Variants in HYCC1 observed in about 807,000 individuals in gnomAD.
The protein encoded by HYCC1 is hyccin.
chr7:22,964,951 T>C, the HYCC1 span, among the ~76,000 whole-genome samples: 1 of 152,010 alleles, frequency 6.6e-6, no homozygotes, highest in Non-Finnish European at 1.5e-5. Flanking sequence ...CTGGTCAATA[T>C]GGTAAAACCC....
the HYCC1 span, among the ~76,000 whole-genome samples, chr7:22,929,908 C>T: frequency 6.6e-6 from 1 of 152,072 alleles, no homozygotes; most frequent in African/African-American, 2.4e-5. Flanking sequence ...TTTATAGCGG[C>T]ACTATTCACA....
chr7:22,945,862 G>A, the HYCC1 span: 6 of 1,613,800 alleles, frequency 3.7e-6, no homozygotes, highest in East Asian at 2.2e-5. Context: ...GTAGGGATTG[G>A]CTGGTTGTTA....
chr7:22,971,430 T>A, the HYCC1 span, among the ~76,000 whole-genome samples: 2 of 151,082 alleles, frequency 1.3e-5, no homozygotes, highest in Non-Finnish European at 1.5e-5. Flanking sequence ...CTGTAAACAC[T>A]TTGGGAGGCT....
chr7:22,978,540 A>C, the HYCC1 span: 2 of 1,061,972 alleles, frequency 1.9e-6, no homozygotes, highest in South Asian at 2.8e-5. Flanking sequence ...AGATTGGTAA[A>C]AATCATATCT....
chr7:23,002,401 T>G, the HYCC1 span, among the ~76,000 whole-genome samples: 1 of 152,010 alleles, frequency 6.6e-6, no homozygotes, highest in East Asian at 1.9e-4. Context: ...AGTATTTTAT[T>G]TAGTCTTCCC....
At chr7:22,993,942 G>A in the HYCC1 span, among the ~76,000 whole-genome samples, 4 of 152,120 alleles carry the variant, frequency 2.6e-5, no homozygotes, top group Non-Finnish European at 5.9e-5. Context: ...TTCTCTGAAA[G>A]CTATGTTCAG....
At chr7:22,932,147 T>C in the HYCC1 span, among the ~76,000 whole-genome samples, 8 of 152,284 alleles carry the variant, frequency 5.3e-5, no homozygotes, top group Admixed American at 2.6e-4. Context: ...CAAATAGAGA[T>C]GGAGTTATCT....
the HYCC1 span, chr7:22,960,505 GCTTATACAAAGAGGCT>G: frequency 9.5e-7 from 1 of 1,057,692 alleles, no homozygotes; most frequent in Admixed American, 1.8e-5. Context: ...TGCTAAACAG[GCTTATACAAAGAGGCT>G]CTTCCCAAGC....
chr7:23,000,423 G>T, the HYCC1 span, among the ~76,000 whole-genome samples: 1 of 151,616 alleles, frequency 6.6e-6, no homozygotes, highest in African/African-American at 2.4e-5. Context: ...AAATATATCT[G>T]CTCTATCAAA....
chr7:22,899,069 T>C, the HYCC1 span, among the ~76,000 whole-genome samples: 4 of 152,202 alleles, frequency 2.6e-5, no homozygotes, highest in South Asian at 8.3e-4. Context: ...AGAGGCAGCG[T>C]GGTAGCAAGT....
At chr7:22,926,997 T>G in the HYCC1 span, among the ~76,000 whole-genome samples, 2 of 152,164 alleles carry the variant, frequency 1.3e-5, no homozygotes, top group African/African-American at 4.8e-5. Flanking sequence ...CAGACCACAG[T>G]GCAATGAACT....
At chr7:22,949,425 T>C in the HYCC1 span, among the ~76,000 whole-genome samples, 1 of 152,114 alleles carries the variant, frequency 6.6e-6, no homozygotes, top group Non-Finnish European at 1.5e-5. Flanking sequence ...CCGTTTGAGT[T>C]AAATATCCTC....
chr7:22,926,248 T>C, the HYCC1 span, among the ~76,000 whole-genome samples: 11 of 152,138 alleles, frequency 7.2e-5, no homozygotes, highest in African/African-American at 2.6e-4. Flanking sequence ...GTAAAGACCA[T>C]CAAGGCTAGG....
the HYCC1 span, among the ~76,000 whole-genome samples, chr7:22,931,481 C>T: frequency 6.6e-6 from 1 of 152,014 alleles, no homozygotes; most frequent in South Asian, 2.1e-4. Context: ...TAACAAATAT[C>T]TGAAATTGTG....
chr7:22,896,868 T>C, the HYCC1 span, among the ~76,000 whole-genome samples: 1 of 152,310 alleles, frequency 6.6e-6, no homozygotes, highest in African/African-American at 2.4e-5. Flanking sequence ...TGAGGTAGTA[T>C]GTTTTCTAAG....
chr7:23,005,837 T>A, the HYCC1 span, among the ~76,000 whole-genome samples: 1 of 152,180 alleles, frequency 6.6e-6, no homozygotes, highest in Non-Finnish European at 1.5e-5. Context: ...AACAATCTAT[T>A]TGATTTACAC....
the HYCC1 span, among the ~76,000 whole-genome samples, chr7:22,996,452 T>C: frequency 6.6e-6 from 1 of 151,976 alleles, no homozygotes; most frequent in Non-Finnish European, 1.5e-5. Context: ...ATGTGCAGGT[T>C]TGTTACATGG....
At chr7:22,936,080 G>C in the HYCC1 span, 6 of 151,098 alleles carry the variant, frequency 4.0e-5, no homozygotes, top group East Asian at 1.2e-3. Flanking sequence ...TGTAAAATAA[G>C]TTTCTTAGAA....
the HYCC1 span, among the ~76,000 whole-genome samples, chr7:22,994,788 C>T: frequency 3.3e-5 from 5 of 152,118 alleles, no homozygotes; most frequent in African/African-American, 7.2e-5. Context: ...GCTTTAGGTC[C>T]ACCAGGACTA....
Sources: gnomAD v4.1 joint callset for allele counts (sites outside exome capture counted in the v4.1 genomes callset) on GRCh38, gnomAD v4.1.1 for gene constraint, MANE v1.5 for transcripts, NCBI Gene and HGNC (gene_info 2026-07-23, HGNC 2026-07-21) for gene names.